ADGRG2: variants seen among roughly 807,000 people sequenced by gnomAD.
ADGRG2 encodes the protein adhesion G protein-coupled receptor G2.
In ADGRG2, 26 loss-of-function variants were observed where a neutral mutation model predicts 74.1. The observed-to-expected ratio is 0.35, with a 90% confidence interval of 0.26 to 0.49. ADGRG2 has a LOEUF of 0.49. Ranked by LOEUF, ADGRG2 falls within the 20% of genes least tolerant of loss-of-function variation. ADGRG2 has a pLI of 0.99. For synonymous variants in ADGRG2, 296 were observed against 295.2 expected (o/e 1.00, Z -0.03); for missense variants, 619 against 763.1 (o/e 0.81, Z 2.22).
chrX:19,008,597 C>T (rs781018630), intron 18 of ADGRG2, among the ~76,000 whole-genome samples: 139 of 109,697 alleles, frequency 1.3e-3, no homozygotes, highest in Non-Finnish European at 2.1e-3. Flanking sequence ...ACCCGGGAGG[C>T]GGAGGCTGCA....
At position 19,031,220 on chromosome X, in the gene ADGRG2, G is replaced by A. The variant is rs150011298; in HGVS notation, c.305-183C>T. ...ATGAGTTTTCATTTGTTGGTCATTTGTCAGCTACGGAACTTAATTCTTTAC... is the reference window on the plus strand; with the variant it reads ...ATGAGTTTTCATTTGTTGGTCATTTATCAGCTACGGAACTTAATTCTTTAC... On this transcript the variant is annotated intron_variant, in intron 8 of 28. Transcript: ENST00000379869. 3,179 of 429,572 alleles carry A rather than the reference G, an allele frequency of 7.4e-3. 90 individuals carry two copies. Among genetic ancestry groups the A allele is most frequent in the African/African-American group, 0.068 (2,748 of 40,200 alleles). 35.4% of individuals were successfully genotyped at this position (429,572 alleles called of 1,213,427 possible). A position where few individuals can be genotyped will look rare whatever the true frequency, so the allele number is the denominator to read the frequency against.
At chrX:19,030,103 T>C (rs752120713) in intron 9 of ADGRG2, among the ~76,000 whole-genome samples, 1 of 112,273 alleles carries the variant, frequency 8.9e-6, no homozygotes, top group Admixed American at 9.4e-5. Flanking sequence ...GTTACCTATG[T>C]TTTTCAAACA....
intron 3 of ADGRG2, among the ~76,000 whole-genome samples, chrX:19,042,155 G>T (rs1005662659): frequency 2.7e-5 from 3 of 111,529 alleles, no homozygotes; most frequent in Admixed American, 9.5e-5. Context: ...CACTGAAGGG[G>T]TCATCAGTCA....
chrX:19,009,326 T>C (rs2060302242), intron 18 of ADGRG2, among the ~76,000 whole-genome samples: 1 of 110,561 alleles, frequency 9.0e-6, no homozygotes, highest in South Asian at 3.9e-4. Context: ...TACAAGTGGA[T>C]GCCACCACGC....
At chrX:19,104,916 CAAA>C (rs1001242331) in intron 1 of ADGRG2, among the ~76,000 whole-genome samples, 14 of 23,355 alleles carry the variant, frequency 6.0e-4, no homozygotes, top group Non-Finnish European at 8.3e-5. Context: ...GACTCTGTCT[CAAA>C]AAAAAAAAAA....
intron 1 of ADGRG2, among the ~76,000 whole-genome samples, chrX:19,089,379 C>T (rs184525363): frequency 9.9e-5 from 11 of 110,953 alleles, no homozygotes; most frequent in African/African-American, 3.6e-4. Context: ...CACAACAAAC[C>T]CCCATGACAC....
intron 3 of ADGRG2, among the ~76,000 whole-genome samples, chrX:19,059,286 C>T (rs946397850): frequency 8.9e-6 from 1 of 111,901 alleles, no homozygotes; most frequent in Non-Finnish European, 1.9e-5. Flanking sequence ...GTTCTAGAAT[C>T]TCACCACCTC....
intron 20 of ADGRG2, 90 bp downstream of exon 20, chrX:19,007,145 C>T: frequency 5.2e-6 from 5 of 965,274 alleles, no homozygotes; most frequent in Non-Finnish European, 7.4e-6. Context: ...TTCTTTCTGC[C>T]TGATCTGCCT....
chrX:19,072,496 C>A (rs146868228), intron 2 of ADGRG2, among the ~76,000 whole-genome samples: 68 of 111,680 alleles, frequency 6.1e-4, no homozygotes, highest in African/African-American at 2.2e-3. Flanking sequence ...TAGGGCAGGA[C>A]CTAAGTGGTG....
intron 1 of ADGRG2, among the ~76,000 whole-genome samples, chrX:19,100,878 G>A (rs1022695837): frequency 8.8e-6 from 1 of 113,373 alleles, no homozygotes; most frequent in Admixed American, 9.3e-5. Context: ...GAAGAAAAGC[G>A]ATGGCAAATG....
At chrX:19,090,356 G>A in intron 1 of ADGRG2, among the ~76,000 whole-genome samples, 1 of 111,641 alleles carries the variant, frequency 9.0e-6, no homozygotes, top group East Asian at 2.8e-4. Context: ...TCTACCCATT[G>A]CTCCTAGCCA....
chrX:18,990,722 C>A lies in ADGRG2; in HGVS notation c.*142G>T. The A allele has an allele frequency of 2.5e-6, 1 of 400,737 alleles. No homozygotes were observed. Among genetic ancestry groups the A allele is most frequent in the Non-Finnish European group, 4.3e-6 (1 of 235,274 alleles). The allele number at this position is 400,737 out of a possible 1,213,427, so 33.0% of individuals were successfully genotyped here. On this transcript the variant is annotated 3_prime_UTR_variant, in exon 29 of 29. Coordinates refer to ENST00000379869, the MANE Select transcript of ADGRG2 (RefSeq NM_001079858.3). ...CTTGGTTTCTTCTTGTAATAATAAT[C>A]ATCGCCCTTAATTAGCTTATGCTTC...
At chrX:19,024,764 G>A (rs1052968599) in intron 11 of ADGRG2, among the ~76,000 whole-genome samples, 1 of 112,385 alleles carries the variant, frequency 8.9e-6, no homozygotes, top group African/African-American at 3.2e-5. Context: ...CCAAGGAATG[G>A]TAGCATCAGG....
chrX:19,072,202 G>A (rs1450147514), intron 2 of ADGRG2, among the ~76,000 whole-genome samples: 5 of 109,169 alleles, frequency 4.6e-5, no homozygotes, highest in Admixed American at 3.0e-4. Flanking sequence ...GCTATCAATA[G>A]TGTTAGTGTA....
intron 11 of ADGRG2, among the ~76,000 whole-genome samples, chrX:19,025,857 T>C (rs1175917916): frequency 2.7e-5 from 3 of 110,525 alleles, no homozygotes; most frequent in African/African-American, 9.9e-5. Flanking sequence ...GATGGCACCA[T>C]TGTATTCCAG....
intron 9 of ADGRG2, among the ~76,000 whole-genome samples, chrX:19,029,750 C>A (rs1326162166): frequency 1.8e-5 from 2 of 109,272 alleles, no homozygotes; most frequent in Non-Finnish European, 3.8e-5. Context: ...CATGTAGACA[C>A]AACACTGAAC....
chrX:19,031,212 G>T, intron 8 of ADGRG2, 175 bp from the exon 9 acceptor site: 1 of 434,363 alleles, frequency 2.3e-6, no homozygotes, highest in East Asian at 3.9e-5. Context: ...TTCATTTGTT[G>T]GTCATTTGTC....
chrX:19,121,229 T>C (rs914481266), intron 1 of ADGRG2, among the ~76,000 whole-genome samples: 2 of 111,886 alleles, frequency 1.8e-5, no homozygotes, highest in African/African-American at 6.5e-5. Context: ...GGCCATGCGT[T>C]GAGACCCCTT....
intron 1 of ADGRG2, among the ~76,000 whole-genome samples, chrX:19,098,752 C>T (rs2062139247): frequency 8.9e-6 from 1 of 111,747 alleles, no homozygotes; most frequent in Non-Finnish European, 1.9e-5. Context: ...AGCAAAGCTG[C>T]TAAGGGAGGT....
Sources: allele counts gnomAD v4.1 joint callset (sites outside exome capture counted in the v4.1 genomes callset), GRCh38; gene constraint gnomAD v4.1.1; transcripts MANE v1.5; gene names NCBI Gene and HGNC (gene_info 2026-07-23, HGNC 2026-07-21).